The following ERICH3 variants were observed in gnomAD, a reference collection of about 807,000 sequenced individuals.
The protein encoded by ERICH3 is glutamate rich 3, also known as glutamate-rich protein 3.
In ERICH3, 126 loss-of-function variants were observed where a neutral mutation model predicts 131.1. The ratio of observed to expected loss-of-function variants is 0.96; its 90% CI spans 0.83 to 1.11. The LOEUF (loss-of-function observed/expected upper bound fraction) is 1.11. Among genes scored for constraint, ERICH3 ranks in the 50% most tolerant of loss-of-function variants. The probability of loss-of-function intolerance (pLI) is 0.00; values close to 1 mark genes in which losing one functional copy is unlikely to be tolerated. For synonymous variants in ERICH3, 695 were observed against 644.6 expected (o/e 1.08, Z -1.18); for missense variants, 2,050 against 1,810.7 (o/e 1.13, Z -2.40).
chr1:74,630,469 A>G (rs914307668), intron 7 of ERICH3, among the ~76,000 whole-genome samples: 4 of 152,184 alleles, frequency 2.6e-5, no homozygotes, highest in Admixed American at 2.0e-4. Context: ...GAATGAGGCC[A>G]ACATATTCCA....
At chr1:74,576,833 G>A in intron 13 of ERICH3, 62 bp downstream of exon 13, 3 of 1,443,862 alleles carry the variant, frequency 2.1e-6, no homozygotes, top group Non-Finnish European at 2.8e-6. Flanking sequence ...AGTTTGACCA[G>A]ATTTATGAGT....
chr1:74,572,772 G>A lies in ERICH3; in HGVS notation c.2938C>T (p.Pro980Ser), dbSNP rs1240673166. 5 of 1,613,690 alleles carry A rather than the reference G, an allele frequency of 3.1e-6. No homozygotes were observed. Among genetic ancestry groups the A allele is most frequent in the South Asian group, 1.1e-5 (1 of 91,052 alleles). Residue 980 changes from proline to serine, a missense_variant, in exon 14 of 15, where the codon CCA becomes TCA. Physicochemically the swap from Pro to Ser is moderately conservative, Grantham distance 74. Coordinates refer to ENST00000326665, the MANE Select transcript of ERICH3 (RefSeq NM_001002912.5). ...ATAACCTCTTTTCTCTCTTTGGCTGGTTCCTCTCCCCCAAGAATTGCCTCT... is the reference window on the plus strand; with the variant it reads ...ATAACCTCTTTTCTCTCTTTGGCTGATTCCTCTCCCCCAAGAATTGCCTCT... ...SEEAILGGEEPAKERKEVMRT... is the reference protein window; with the variant it reads ...SEEAILGGEESAKERKEVMRT...
chr1:74,647,859 A>G (rs752047966), intron 2 of ERICH3, among the ~76,000 whole-genome samples: 1 of 152,154 alleles, frequency 6.6e-6, no homozygotes, highest in African/African-American at 2.4e-5. Flanking sequence ...CAATGGAAGA[A>G]AGAGGTATAC....
chr1:74,587,017 T>C (rs4650002), intron 12 of ERICH3, among the ~76,000 whole-genome samples: 60,723 of 151,962 alleles, frequency 0.4, 13,368 homozygotes, highest in Non-Finnish European at 0.5. Flanking sequence ...TAATCGCACA[T>C]ATATTACGGC....
chr1:74,638,965 T>C lies in ERICH3; in HGVS notation c.444+2366A>G, dbSNP rs61041786. On this transcript the variant is annotated intron_variant, in intron 5 of 14. Transcript: ENST00000326665. The stretch of plus-strand genomic sequence containing the variant: ...GAGATGGGGAGGAGACCCTTTTGTT[T>C]ATGCCAATGTTATTATATTTACAGT... Among the ~76,000 whole-genome samples the C allele has an allele frequency of 4.0e-3, 614 of 152,252 alleles. 1 individual carries two copies. The highest frequency in any genetic ancestry group is 0.014 in the African/African-American group (585 of 41,522).
At chr1:74,652,199 A>G (rs764004826) in intron 1 of ERICH3, among the ~76,000 whole-genome samples, 1 of 152,170 alleles carries the variant, frequency 6.6e-6, no homozygotes, top group Non-Finnish European at 1.5e-5. Context: ...ATTGTTTGAT[A>G]TCAAGAAATT....
intron 9 of ERICH3, among the ~76,000 whole-genome samples, chr1:74,610,379 A>G (rs938809350): frequency 5.4e-5 from 8 of 148,026 alleles, no homozygotes; most frequent in Admixed American, 1.4e-4. Flanking sequence ...ATTAATAGCA[A>G]CTCACATCTC....
upstream of ERICH3, among the ~76,000 whole-genome samples, chr1:74,674,309 T>C (rs1408564869): frequency 6.6e-6 from 1 of 152,182 alleles, no homozygotes; most frequent in Non-Finnish European, 1.5e-5. Context: ...AAACAGTACT[T>C]ACATTGGAAT....
Position 74,612,660 on chromosome 1 carries a change from C to A in ERICH3, c.1150G>T (p.Gly384Trp). 6.3e-7 allele frequency: 1 copy of A among 1,588,928 alleles called. No individual in the cohort carries two copies. The highest frequency in any genetic ancestry group is 8.6e-7 in the Non-Finnish European group (1 of 1,161,158). ...GATGATCTCTCAACACACACAAACC[C>A]AAAGTAGCCTCGTTTGCCTCCAAGC... is the stretch of plus-strand genomic sequence containing the variant. ...SRLGGKRGYF[G>W]FVCVERSSPC... The change falls in exon 9 of 15, where the codon GGG becomes TGG. Residue 384 changes from glycine (G) to tryptophan (W), a missense_variant. Gly to Trp is a radical substitution (Grantham distance 184). Coordinates refer to ENST00000326665, the MANE Select transcript of ERICH3 (RefSeq NM_001002912.5).
At chr1:74,643,529 A>C (rs1480106494) in intron 3 of ERICH3, among the ~76,000 whole-genome samples, 1 of 152,172 alleles carries the variant, frequency 6.6e-6, no homozygotes, top group Non-Finnish European at 1.5e-5. Flanking sequence ...TCATTTAAAT[A>C]AGGTTCATAC....
intron 9 of ERICH3, among the ~76,000 whole-genome samples, chr1:74,612,200 G>A (rs550496849): frequency 2.6e-5 from 4 of 152,204 alleles, no homozygotes; most frequent in East Asian, 1.9e-4. Context: ...AGGCATAACC[G>A]AAAATGTCCA....
rs781369913 is a variant in ERICH3, at chr1:74,636,450, G to T, written c.445-12C>A. 1.9e-6 allele frequency: 3 copies of T among 1,588,816 alleles called. No individual in the cohort carries two copies. The highest frequency in any genetic ancestry group is 2.3e-5 in the South Asian group (2 of 86,990). On this transcript the variant is annotated splice_polypyrimidine_tract_variant and intron_variant, in intron 5 of 14. Coordinates refer to ENST00000326665, the MANE Select transcript of ERICH3 (RefSeq NM_001002912.5). Reference sequence around the variant, plus strand: ...GGTCGAGGGGCTGTCTAGACAATTAGGGGAAAAAATTCCATTTAAATTAGT... The same window carrying T: ...GGTCGAGGGGCTGTCTAGACAATTATGGGAAAAAATTCCATTTAAATTAGT...
chr1:74,634,870 T>A (rs1646374465), intron 6 of ERICH3: 2 of 511,282 alleles, frequency 3.9e-6, no homozygotes, highest in African/African-American at 4.0e-5. Context: ...ATAGGCCTTA[T>A]ACGATTAACA....
chr1:74,651,731 G>C (rs528073560), intron 1 of ERICH3, among the ~76,000 whole-genome samples: 4 of 152,208 alleles, frequency 2.6e-5, no homozygotes, highest in Non-Finnish European at 5.9e-5. Flanking sequence ...TTTTGGAATA[G>C]CTGGGAGTGC....
intron 10 of ERICH3, among the ~76,000 whole-genome samples, chr1:74,600,787 G>T (rs573751782): frequency 6.6e-6 from 1 of 151,742 alleles, no homozygotes; most frequent in Non-Finnish European, 1.5e-5. Flanking sequence ...AGAGCAAAAG[G>T]ATCTCATGCA....
In ERICH3 at chr1:74,573,118, T is replaced by C; in HGVS notation, c.2592A>G (p.Ala864=). ...CTTTACTCAGACCCACAGCATCTTT[T>C]GCTGCTGCTTGTCCTATGGGGTCTG... is the stretch of plus-strand genomic sequence containing the variant. The part of the protein sequence containing the change: ...GGSDPIGQAA[A]KDAVGLSKDE... The change falls in exon 14 of 15, where the codon GCA becomes GCG. Residue 864 remains alanine, a synonymous_variant. Coordinates refer to ENST00000326665, the MANE Select transcript of ERICH3 (RefSeq NM_001002912.5). The C allele has an allele frequency of 6.2e-7, 1 of 1,614,062 alleles. No homozygotes were observed. Among genetic ancestry groups the C allele is most frequent in the South Asian group, 1.1e-5 (1 of 91,060 alleles).
intron 10 of ERICH3, among the ~76,000 whole-genome samples, chr1:74,601,440 T>C (rs1363252625): frequency 2.0e-5 from 3 of 151,942 alleles, no homozygotes; most frequent in Non-Finnish European, 4.4e-5. Flanking sequence ...AATACTGTAC[T>C]CACTTTGTAG....
Position 74,673,583 on chromosome 1 carries a change from G to T in ERICH3, c.-64C>A. On this transcript the variant is annotated 5_prime_UTR_variant, in exon 1 of 15. Transcript: ENST00000326665. ...AGGGTGGGTGCGTGGGGCCCCGTGC[G>T]CGCTGGCGCTGCGACAGTCGCGCTC... The T allele has an allele frequency of 6.4e-7, 1 of 1,573,752 alleles. No homozygotes were observed. Among genetic ancestry groups the T allele is most frequent in the South Asian group, 1.1e-5 (1 of 88,252 alleles).
chr1:74,641,594 G>A (rs753856421), intron 4 of ERICH3, 135 bp from the exon 5 acceptor site: 1 of 1,064,156 alleles, frequency 9.4e-7, no homozygotes, highest in South Asian at 1.5e-5. Context: ...TTGTTAAGGA[G>A]TTAGGTGTGG....
Sources: allele counts gnomAD v4.1 joint callset (sites outside exome capture counted in the v4.1 genomes callset), GRCh38; gene constraint gnomAD v4.1.1; transcripts MANE v1.5; gene names NCBI Gene and HGNC (gene_info 2026-07-23, HGNC 2026-07-21).